ASIC2: variants seen among roughly 807,000 people sequenced by gnomAD.
ASIC2 encodes the protein acid-sensing ion channel 2.
A neutral mutation model predicts 57.3 loss-of-function variants in ASIC2; 25 were observed. That is an observed-to-expected ratio of 0.44 (90% CI 0.32 to 0.61). The LOEUF is 0.61. Ranked by LOEUF, ASIC2 falls within the 20% of genes least tolerant of loss-of-function variation. The pLI, the probability that ASIC2 is intolerant of heterozygous loss-of-function variation, is 0.06. For missense variants in ASIC2, 641 were observed against 738.1 expected (o/e 0.87, Z 1.52); for synonymous variants, 319 against 307.5 (o/e 1.04, Z -0.39).
chr17:33,469,447 T>C (rs1597739773), intron 1 of ASIC2, among the ~76,000 whole-genome samples: 1 of 152,138 alleles, frequency 6.6e-6, no homozygotes. Context: ...ATGGGATTCT[T>C]GTTAGGCCCA....
intron 1 of ASIC2, among the ~76,000 whole-genome samples, chr17:33,399,896 G>A (rs1421191470): frequency 6.6e-6 from 1 of 152,148 alleles, no homozygotes; most frequent in Non-Finnish European, 1.5e-5. Context: ...TTTCTTTGGG[G>A]AATAGAAAAG....
At chr17:33,896,388 G>A (rs1302578202) in intron 1 of ASIC2, among the ~76,000 whole-genome samples, 1 of 152,198 alleles carries the variant, frequency 6.6e-6, no homozygotes, top group Non-Finnish European at 1.5e-5. Context: ...TTTTTTTGGG[G>A]GGAATCTTCC....
At chr17:33,244,673 C>G (rs553216383) in intron 1 of ASIC2, among the ~76,000 whole-genome samples, 1 of 152,188 alleles carries the variant, frequency 6.6e-6, no homozygotes, top group Admixed American at 6.5e-5. Flanking sequence ...CTTGCCCCAC[C>G]ACGAGACCCT....
chr17:33,976,259 C>T (rs766220925), intron 1 of ASIC2, among the ~76,000 whole-genome samples: 11 of 151,846 alleles, frequency 7.2e-5, no homozygotes, highest in Non-Finnish European at 1.5e-4. Context: ...TGAAATGGTA[C>T]GAGTGTTACT....
At chr17:34,100,073 G>T (rs1044661214) in intron 1 of ASIC2, among the ~76,000 whole-genome samples, 2 of 151,994 alleles carry the variant, frequency 1.3e-5, no homozygotes, top group Non-Finnish European at 2.9e-5. Flanking sequence ...CCCAGGAACC[G>T]CAAACACATT....
chr17:33,759,109 G>A (rs1451668148), intron 1 of ASIC2, among the ~76,000 whole-genome samples: 1 of 152,182 alleles, frequency 6.6e-6, no homozygotes, highest in Non-Finnish European at 1.5e-5. Context: ...TTAAGTGGTT[G>A]TGACCAGAAT....
chr17:33,615,652 C>T (rs1158929589), intron 1 of ASIC2, among the ~76,000 whole-genome samples: 10 of 152,266 alleles, frequency 6.6e-5, no homozygotes, highest in East Asian at 1.9e-4. Context: ...CATAGGTAAG[C>T]GTGTGCCATG....
intron 1 of ASIC2, among the ~76,000 whole-genome samples, chr17:33,332,677 G>A (rs967357972): frequency 6.6e-6 from 1 of 152,112 alleles, no homozygotes; most frequent in African/African-American, 2.4e-5. Flanking sequence ...GATCACCTGA[G>A]GTCAGGAGTT....
intron 1 of ASIC2, among the ~76,000 whole-genome samples, chr17:33,333,146 T>C (rs542959275): frequency 6.6e-6 from 1 of 152,236 alleles, no homozygotes; most frequent in Non-Finnish European, 1.5e-5. Flanking sequence ...TCCTTCTTCA[T>C]GCTCCTGCCT....
chr17:33,813,538 G>A (rs1394133031), intron 1 of ASIC2, among the ~76,000 whole-genome samples: 6 of 152,106 alleles, frequency 3.9e-5, no homozygotes, highest in Non-Finnish European at 8.8e-5. Flanking sequence ...CTGGGTTCAC[G>A]CCATTCTCCT....
intron 2 of ASIC2, among the ~76,000 whole-genome samples, chr17:33,105,832 A>G (rs1195690525): frequency 6.6e-6 from 1 of 152,208 alleles, no homozygotes; most frequent in East Asian, 1.9e-4. Flanking sequence ...AGCAAAGGTC[A>G]CTCTTGCTAG....
chr17:33,697,526 C>T (rs189076262), intron 1 of ASIC2, among the ~76,000 whole-genome samples: 5 of 152,284 alleles, frequency 3.3e-5, no homozygotes, highest in South Asian at 2.1e-4. Flanking sequence ...AAGAAAGGGA[C>T]GGTTCCCTTT....
intron 1 of ASIC2, among the ~76,000 whole-genome samples, chr17:34,028,735 A>G (rs4795844): frequency 0.13 from 19,818 of 152,220 alleles, 1,370 homozygotes; most frequent in South Asian, 0.19. Flanking sequence ...TCCTCAGAGA[A>G]TACATGAAAT....
intron 1 of ASIC2, among the ~76,000 whole-genome samples, chr17:33,741,834 C>T (rs1220937658): frequency 6.6e-6 from 1 of 152,178 alleles, no homozygotes; most frequent in African/African-American, 2.4e-5. Context: ...GGCCACCATG[C>T]CTAGATGCCC....
At chr17:33,345,225 G>C (rs1241479437) in intron 1 of ASIC2, among the ~76,000 whole-genome samples, 1 of 152,178 alleles carries the variant, frequency 6.6e-6, no homozygotes, top group African/African-American at 2.4e-5. Flanking sequence ...CAATGTCAGA[G>C]ATTAGCAGTT....
At chr17:33,255,028 C>CTTT (rs1173076413) in intron 1 of ASIC2, among the ~76,000 whole-genome samples, 4,720 of 74,124 alleles carry the variant, frequency 0.064, 237 homozygotes, top group South Asian at 0.11. Context: ...AGAAAGAAAT[C>CTTT]TTTTTTTTTT....
intron 1 of ASIC2, among the ~76,000 whole-genome samples, chr17:33,905,141 CTTTTTTTTT>C (rs57064859): frequency 3.4e-5 from 3 of 87,888 alleles, no homozygotes; most frequent in African/African-American, 1.4e-4. Context: ...TAGTTTAAGG[CTTTTTTTTT>C]TTTTTTTTTT....
intron 1 of ASIC2, among the ~76,000 whole-genome samples, chr17:33,452,546 C>G (rs1912287788): frequency 1.3e-5 from 2 of 152,146 alleles, no homozygotes; most frequent in Non-Finnish European, 2.9e-5. Context: ...AGTGGGTAGA[C>G]AGTCACTGTT....
chr17:33,140,458 T>C (rs1183284288), intron 1 of ASIC2, among the ~76,000 whole-genome samples: 1 of 152,242 alleles, frequency 6.6e-6, no homozygotes, highest in Non-Finnish European at 1.5e-5. Flanking sequence ...CCTGACTCCC[T>C]GAGTCTTCAT....
Sources: allele counts gnomAD v4.1 joint callset (sites outside exome capture counted in the v4.1 genomes callset), GRCh38; gene constraint gnomAD v4.1.1; transcripts MANE v1.5; gene names NCBI Gene and HGNC (gene_info 2026-07-23, HGNC 2026-07-21).